Variants in MIA2 observed in about 807,000 individuals in gnomAD.
The protein encoded by MIA2 is melanoma inhibitory activity protein 2.
Under a neutral mutation model 167.8 loss-of-function variants are expected in MIA2, and 127 were observed. The observed-to-expected ratio is 0.76, with a 90% CI of 0.66 to 0.88. MIA2 has a LOEUF of 0.88. MIA2 is among the 40% of genes least tolerant of loss of function. MIA2 has a pLI of 0.00. For synonymous variants in MIA2, 552 were observed against 541.9 expected (o/e 1.02, Z -0.26); for missense variants, 1,690 against 1,624.7 (o/e 1.04, Z -0.69).
intron 6 of MIA2, chr14:39,265,416 G>C (rs1255665874): frequency 5.0e-6 from 8 of 1,610,840 alleles, no homozygotes; most frequent in Non-Finnish European, 6.8e-6. Flanking sequence ...AAGTCCAGAG[G>C]AAGAGGTGAG....
downstream of MIA2, among the ~76,000 whole-genome samples, chr14:39,356,225 T>G (rs535187580): frequency 5.3e-5 from 8 of 152,342 alleles, no homozygotes; most frequent in African/African-American, 1.7e-4. Context: ...TTGCCTCAGT[T>G]TCAGAGCCTG....
intron 25 of MIA2, among the ~76,000 whole-genome samples, chr14:39,333,203 T>A (rs1160989845): frequency 6.6e-6 from 1 of 152,152 alleles, no homozygotes; most frequent in African/African-American, 2.4e-5. Context: ...GGTCACATTC[T>A]CTTTCTTGAT....
chr14:39,344,187 A>G lies in MIA2; in HGVS notation c.3656-1717A>G, dbSNP rs187927375. ...ATGTAGTTTATAAAGTAGTAAATTT[A>G]TAACAAAATTTTTTTATTTCTGAGG... On this transcript the variant is annotated intron_variant, in intron 25 of 28. Transcript: ENST00000640607. Among the ~76,000 whole-genome samples the G allele has an allele frequency of 7.9e-5, 12 of 152,350 alleles. No homozygotes were observed. The East Asian group carries it at 2.1e-3, about 27-fold the overall frequency.
At chr14:39,262,864 T>G (rs1428971900) in intron 6 of MIA2, among the ~76,000 whole-genome samples, 1 of 152,156 alleles carries the variant, frequency 6.6e-6, no homozygotes, top group Non-Finnish European at 1.5e-5. Context: ...CACATTGATT[T>G]TGTATCCTGA....
Position 39,320,945 on chromosome 14 carries a change from C to T in MIA2, c.3385C>T (p.Pro1129Ser), listed in dbSNP as rs36060072. 3.1e-5 allele frequency: 50 copies of T among 1,613,386 alleles called. 1 individual carries two copies. In the South Asian group the frequency reaches 5.4e-4, roughly 17 times the overall value. The change falls in exon 24 of 29, where the codon CCC becomes TCC. Residue 1129 changes from proline to serine, a missense_variant. Transcript: ENST00000640607. ...AFGREHSPYG[P>S]SPLGWPSSET... ...TATTCCAGAGCATTCCCCATATGGT[C>T]CCTCACCATTGGGTTGGCCTTCATC...
In MIA2 at chr14:39,277,726, A is replaced by ATATATATATATATGTGTGTG. The variant is rs2058313140; in HGVS notation, c.2019+674_2019+675insGTGTGTGTATATATATATAT. On this transcript the variant is annotated intron_variant, in intron 7 of 28. Coordinates refer to ENST00000640607, the MANE Select transcript of MIA2 (RefSeq NM_001329214.4). Reference sequence around the variant, plus strand: ...TATATATATATATATGTGTGTATATATATATATATATATATATGTGTGTAT... The same window carrying ATATATATATATATGTGTGTG: ...TATATATATATATATGTGTGTATATATATATATATATATGTGTGTGTATATATATATATATATGTGTGTAT... Among the ~76,000 whole-genome samples the ATATATATATATATGTGTGTG allele has an allele frequency of 5.1e-4, 2 of 3,888 alleles. 1 individual carries two copies. The highest frequency in any genetic ancestry group is 3.8e-3 in the Admixed American group (2 of 530). The allele number at this position is 3,888 out of a possible 152,430, so 2.6% of individuals were successfully genotyped here. A position where few individuals can be genotyped will look rare whatever the true frequency, so the allele number is the denominator to read the frequency against.
chr14:39,371,349 C>G (rs2074942268), intron 23 of MIA2, among the ~76,000 whole-genome samples: 2 of 152,028 alleles, frequency 1.3e-5, no homozygotes, highest in South Asian at 2.1e-4. Flanking sequence ...AGATCATATT[C>G]TTTGGAACCA....
rs1359575667 is a variant in MIA2 at position 39,299,851 on chromosome 14, T to G, written c.2497-13T>G. ...TGTGTGATGAGTTGCATTTTTAAAA[T>G]TTTCATTTTCAGCTTTTGCAAGAAG... On this transcript the variant is annotated splice_polypyrimidine_tract_variant and intron_variant, in intron 13 of 28. Transcript: ENST00000640607. 1.3e-6 allele frequency: 2 copies of G among 1,595,974 alleles called. No homozygotes were observed. Among genetic ancestry groups the G allele is most frequent in the Admixed American group, 1.8e-5 (1 of 56,480 alleles).
intron 2 of MIA2, among the ~76,000 whole-genome samples, chr14:39,240,012 G>A (rs2053966814): frequency 6.6e-6 from 1 of 152,212 alleles, no homozygotes; most frequent in Non-Finnish European, 1.5e-5. Flanking sequence ...TGCTTGAACT[G>A]GGTGAAGAGG....
chr14:39,359,260 C>A (rs186422135), intron 23 of MIA2, among the ~76,000 whole-genome samples: 158 of 152,286 alleles, frequency 1.0e-3, no homozygotes, highest in African/African-American at 3.6e-3. Flanking sequence ...GGCGGGCACC[C>A]CTCCCCCAGC....
intron 9 of MIA2, among the ~76,000 whole-genome samples, chr14:39,281,888 T>G (rs2059005212): frequency 6.6e-6 from 1 of 152,204 alleles, no homozygotes; most frequent in South Asian, 2.1e-4. Context: ...CCCAAAGTGC[T>G]AGGATTACAG....
At chr14:39,296,541 A>C (rs1280635735) in intron 13 of MIA2, among the ~76,000 whole-genome samples, 4 of 151,164 alleles carry the variant, frequency 2.6e-5, no homozygotes, top group African/African-American at 9.7e-5. Context: ...TCGGCCTCCC[A>C]AAGTGCTAGG....
chr14:39,271,932 C>T (rs1403579074), intron 6 of MIA2, among the ~76,000 whole-genome samples: 1 of 152,136 alleles, frequency 6.6e-6, no homozygotes, highest in Non-Finnish European at 1.5e-5. Context: ...GCAGGAAAGT[C>T]CCCCTGTGTG....
At chr14:39,307,098 T>C (rs2063457054) in intron 17 of MIA2, among the ~76,000 whole-genome samples, 1 of 152,126 alleles carries the variant, frequency 6.6e-6, no homozygotes, top group African/African-American at 2.4e-5. Context: ...TGAGAAGATC[T>C]AGATTTCTGG....
At position 39,247,778 on chromosome 14, in the gene MIA2, A is replaced by G. The variant is rs769717609; in HGVS notation, c.1204A>G (p.Asn402Asp). The G allele has an allele frequency of 6.2e-7, 1 of 1,613,618 alleles. No individual in the cohort carries two copies. The highest frequency in any genetic ancestry group is 1.1e-5 in the South Asian group (1 of 90,904). ...EDKIMLDDRK[N>D]EEDGGADEHE... ...TAAAATTATGTTAGATGACAGGAAA[A>G]ATGAAGAAGATGGTGGGGCAGATGA... Residue 402 changes from asparagine to aspartate, a missense_variant, in exon 4 of 29, where the codon AAT becomes GAT. Asn to Asp is a conservative substitution (Grantham distance 23). Coordinates refer to ENST00000640607, the MANE Select transcript of MIA2 (RefSeq NM_001329214.4).
At position 39,299,968 on chromosome 14, in the gene MIA2, T is replaced by C. The variant is rs1031749769; in HGVS notation, c.2601T>C (p.Asp867=). ...SKVHAEQVLN[D]KESHIKTLTE... is the part of the protein sequence containing the mutation. Reference sequence around the variant, plus strand: ...TACATGCAGAACAAGTTCTAAATGATAAAGAAAGTCACATCAAGGTAAATG... The same window carrying C: ...TACATGCAGAACAAGTTCTAAATGACAAAGAAAGTCACATCAAGGTAAATG... Residue 867 remains aspartate, a synonymous_variant, in exon 14 of 29, where the codon GAT becomes GAC. Transcript: ENST00000640607. The C allele has an allele frequency of 6.3e-7, 1 of 1,598,474 alleles. No homozygotes were observed.
At chr14:39,338,063 C>G (rs755622722) in intron 25 of MIA2, among the ~76,000 whole-genome samples, 5 of 152,086 alleles carry the variant, frequency 3.3e-5, no homozygotes, top group Non-Finnish European at 5.9e-5. Flanking sequence ...AAACAGAAAA[C>G]AGATTGGTGG....
At chr14:39,387,225 C>T (rs2075285658) in exon 24 of MIA2, 4 of 388,894 alleles carry the variant, frequency 1.0e-5, no homozygotes. Flanking sequence ...AAAGTGAAAA[C>T]CTCAAAAGGA....
At chr14:39,351,975 A>G (rs1277239641), downstream of MIA2, among the ~76,000 whole-genome samples, 1 of 150,686 alleles carries the variant, frequency 6.6e-6, no homozygotes, top group African/African-American at 2.5e-5. Context: ...AATGTTCTTA[A>G]ACATCAAAGT....
Sources: gnomAD v4.1 joint callset for allele counts (sites outside exome capture counted in the v4.1 genomes callset) on GRCh38, gnomAD v4.1.1 for gene constraint, MANE v1.5 for transcripts, NCBI Gene and HGNC (gene_info 2026-07-23, HGNC 2026-07-21) for gene names.